Variants in GLP2R observed in about 807,000 individuals in gnomAD.
GLP2R encodes the protein glucagon-like peptide 2 receptor.
In GLP2R, 59 loss-of-function variants were observed where a neutral mutation model predicts 68.2. The observed-to-expected ratio is 0.87, with a 90% confidence interval of 0.70 to 1.07. The LOEUF (loss-of-function observed/expected upper bound fraction) is 1.07, where lower values mean the gene tolerates loss of function less well. Among genes scored for constraint, GLP2R ranks in the 50% least tolerant of loss-of-function variants. GLP2R has a pLI of 0.00. For synonymous variants in GLP2R, 270 were observed against 265.4 expected (o/e 1.02, Z -0.17); for missense variants, 548 against 677.4 (o/e 0.81, Z 2.12).
chr17:9,876,076 C>T (rs774400751), intron 10 of GLP2R, among the ~76,000 whole-genome samples: 4 of 152,226 alleles, frequency 2.6e-5, no homozygotes, highest in Non-Finnish European at 4.4e-5. Flanking sequence ...GGAGTTTCTC[C>T]ATGTTGGTCA....
rs570062697 is a variant in GLP2R, at chr17:9,881,674, C to T, written c.1284+1158C>T. 4.9e-4 allele frequency among the ~76,000 whole-genome samples: 67 copies of T among 135,538 alleles called. 2 individuals carry two copies. Among genetic ancestry groups the T allele is most frequent in the South Asian group, 1.2e-3 (6 of 4,822 alleles). The allele number at this position is 135,538 out of a possible 152,430, so 88.9% of individuals were successfully genotyped here. ...GGATTACAGGCGTGAGCCACCGCTC[C>T]CCTGCCAGGCCTTTTAAATGCCTAT... is the stretch of plus-strand genomic sequence containing the variant. On this transcript the variant is annotated intron_variant, in intron 11 of 12. Transcript: ENST00000262441.
At chr17:9,849,210 C>A (rs1262692027) in intron 4 of GLP2R, among the ~76,000 whole-genome samples, 1 of 151,766 alleles carries the variant, frequency 6.6e-6, no homozygotes, top group Admixed American at 6.6e-5. Flanking sequence ...ATAGTAGACA[C>A]TCATATACCC....
intron 12 of GLP2R, among the ~76,000 whole-genome samples, chr17:9,888,285 C>A (rs766042137): frequency 4.6e-5 from 7 of 152,092 alleles, no homozygotes; most frequent in Admixed American, 3.3e-4. Context: ...TGAATTCACG[C>A]CTTGGTTCAC....
At chr17:9,870,095 C>T (rs1170115859) in intron 9 of GLP2R, among the ~76,000 whole-genome samples, 2 of 152,140 alleles carry the variant, frequency 1.3e-5, no homozygotes, top group African/African-American at 4.8e-5. Flanking sequence ...GAGTTCTTTA[C>T]AGAAGAGAGG....
intron 1 of GLP2R, among the ~76,000 whole-genome samples, chr17:9,832,182 A>G (rs150749630): frequency 2.0e-4 from 31 of 152,314 alleles, no homozygotes; most frequent in African/African-American, 6.0e-4. Flanking sequence ...TCATGCCTGT[A>G]ATCCTAGCAC....
intron 6 of GLP2R, among the ~76,000 whole-genome samples, chr17:9,858,468 T>C (rs1163245702): frequency 1.3e-5 from 2 of 152,240 alleles, no homozygotes; most frequent in African/African-American, 4.8e-5. Flanking sequence ...TTTGTCAGGT[T>C]GGGGATCAAA....
chr17:9,872,356 C>T (rs2067102883), intron 10 of GLP2R, among the ~76,000 whole-genome samples: 2 of 152,202 alleles, frequency 1.3e-5, no homozygotes, highest in South Asian at 4.1e-4. Context: ...GTGGGCATAT[C>T]ACCTGAGGTC....
intron 10 of GLP2R, among the ~76,000 whole-genome samples, chr17:9,872,107 G>T (rs1034124930): frequency 6.6e-6 from 1 of 152,248 alleles, no homozygotes; most frequent in Non-Finnish European, 1.5e-5. Flanking sequence ...TCTAAGAGTA[G>T]GAATTTCAGT....
intron 9 of GLP2R, among the ~76,000 whole-genome samples, chr17:9,870,096 A>C (rs574616467): frequency 6.6e-6 from 1 of 152,202 alleles, no homozygotes; most frequent in Non-Finnish European, 1.5e-5. Flanking sequence ...AGTTCTTTAC[A>C]GAAGAGAGGC....
chr17:9,849,914 A>G (rs866537917), intron 4 of GLP2R, among the ~76,000 whole-genome samples: 1 of 152,066 alleles, frequency 6.6e-6, no homozygotes, highest in African/African-American at 2.4e-5. Flanking sequence ...CGCCCAGCCT[A>G]TTTCCAATAT....
intron 3 of GLP2R, 128 bp from the exon 4 acceptor site, chr17:9,842,367 A>T (rs2066795163): frequency 3.7e-6 from 4 of 1,070,128 alleles, no homozygotes; most frequent in African/African-American, 3.2e-5. Context: ...AACAGTGAGG[A>T]TGTTAATGAG....
chr17:9,831,957 G>T (rs1046585138), intron 1 of GLP2R, among the ~76,000 whole-genome samples: 9 of 152,188 alleles, frequency 5.9e-5, no homozygotes, highest in Non-Finnish European at 1.2e-4. Flanking sequence ...AAAGACGACA[G>T]ACCAGAATGC....
At chr17:9,832,327 C>A (rs201393209) in intron 1 of GLP2R, among the ~76,000 whole-genome samples, 64 of 152,228 alleles carry the variant, frequency 4.2e-4, no homozygotes, top group East Asian at 2.9e-3. Flanking sequence ...GTAATCCTAG[C>A]ACTTTGGGAG....
intron 1 of GLP2R, among the ~76,000 whole-genome samples, chr17:9,829,267 C>T (rs8078772): frequency 0.02 from 2,987 of 151,896 alleles, 84 homozygotes; most frequent in African/African-American, 0.068. Flanking sequence ...AAGTACATTG[C>T]GGCCCTTTTA....
chr17:9,846,334 G>A (rs2066838364), intron 4 of GLP2R, among the ~76,000 whole-genome samples: 1 of 152,208 alleles, frequency 6.6e-6, no homozygotes. Flanking sequence ...GTTTGTTAGA[G>A]GCCAGCTGCA....
chr17:9,871,362 G>A (rs1226703157), intron 10 of GLP2R, among the ~76,000 whole-genome samples: 3 of 147,606 alleles, frequency 2.0e-5, no homozygotes, highest in African/African-American at 7.5e-5. Context: ...AAAAAAAAAA[G>A]TTTCTAAGAA....
intron 10 of GLP2R, among the ~76,000 whole-genome samples, chr17:9,873,579 T>TTTTTTTTTTTA (rs1555573361): frequency 7.1e-6 from 1 of 141,542 alleles, no homozygotes; most frequent in African/African-American, 2.7e-5. Context: ...TTTTTTTTTT[T>TTTTTTTTTTTA]AGCTCATCAG....
At chr17:9,869,936 T>G (rs2067077227) in intron 9 of GLP2R, among the ~76,000 whole-genome samples, 1 of 152,228 alleles carries the variant, frequency 6.6e-6, no homozygotes, top group Non-Finnish European at 1.5e-5. Context: ...TGCAGGCATA[T>G]TTTTAAATTT....
chr17:9,844,853 T>C (rs1207585193), intron 4 of GLP2R, among the ~76,000 whole-genome samples: 1 of 149,450 alleles, frequency 6.7e-6, no homozygotes, highest in Non-Finnish European at 1.5e-5. Flanking sequence ...ACCACGCCCG[T>C]CTAATTTTTA....
Sources: gnomAD v4.1 joint callset for allele counts (sites outside exome capture counted in the v4.1 genomes callset) on GRCh38, gnomAD v4.1.1 for gene constraint, MANE v1.5 for transcripts, NCBI Gene and HGNC (gene_info 2026-07-23, HGNC 2026-07-21) for gene names.